The following GCC2 variants were observed in gnomAD, a reference collection of about 807,000 sequenced individuals.
GCC2 encodes GRIP and coiled-coil domain containing 2.
A neutral mutation model predicts 210.6 loss-of-function variants in GCC2; 120 were observed. That is an observed-to-expected ratio of 0.57 (90% CI 0.49 to 0.66). GCC2 has a LOEUF of 0.66. GCC2 is among the 30% of genes least tolerant of loss of function. The pLI is 0.00. For missense variants in GCC2, 1,868 were observed against 1,871.9 expected (o/e 1.00, Z 0.04); for synonymous variants, 703 against 652.7 (o/e 1.08, Z -1.17).
intron 10 of GCC2, 142 bp from the exon 11 acceptor site, chr2:108,482,145 T>G (rs1040076724): frequency 3.4e-6 from 2 of 584,074 alleles, no homozygotes; most frequent in Non-Finnish European, 6.0e-6. Context: ...AACTGATTCT[T>G]AATATTATCG....
At position 108,486,613 on chromosome 2, in the gene GCC2, G is replaced by A. The variant is rs766154317; in HGVS notation, c.3895G>A (p.Val1299Met). ...TACGCTAAGTGCATACCAGCAGAGA[G>A]TGACAGCACTACAGGAAGAGTGCCG... ...QRTLSAYQQR[V>M]TALQEECRAA... The change falls in exon 16 of 23, where the codon GTG becomes ATG. Residue 1299 changes from valine to methionine, a missense_variant. Val to Met is a conservative substitution (Grantham distance 21). Coordinates refer to ENST00000309863, the MANE Select transcript of GCC2 (RefSeq NM_181453.4). 7 of 1,613,914 alleles carry A rather than the reference G, an allele frequency of 4.3e-6. No homozygotes were observed. The highest frequency in any genetic ancestry group is 5.9e-6 in the Non-Finnish European group (7 of 1,179,942).
chr2:108,478,685 C>T (rs1337022885), intron 9 of GCC2, among the ~76,000 whole-genome samples: 3 of 152,144 alleles, frequency 2.0e-5, no homozygotes, highest in African/African-American at 4.8e-5. Context: ...CCAAAGGGAG[C>T]CATTGTTTAT....
At chr2:108,461,818 C>CTT (rs1390391578) in intron 4 of GCC2, among the ~76,000 whole-genome samples, 1 of 120,806 alleles carries the variant, frequency 8.3e-6, no homozygotes. Context: ...AATAGGTTTT[C>CTT]TTTTTTTTTT....
chr2:108,462,686 G>GT (rs1680667038), intron 4 of GCC2: 1 of 147,468 alleles, frequency 6.8e-6, no homozygotes. Context: ...CCTCAAGCTC[G>GT]TGAGTAGCTG....
chr2:108,501,862 G>T (rs1253359276), intron 22 of GCC2, among the ~76,000 whole-genome samples: 1 of 151,922 alleles, frequency 6.6e-6, no homozygotes, highest in Non-Finnish European at 1.5e-5. Flanking sequence ...CTTTGAATCT[G>T]GTTTTTTATA....
Position 108,481,685 on chromosome 2 carries a change from C to G in GCC2, c.3061-12C>G. ...AATTATATACCAAAGTTAAATCCTTCTTTTATTGAAGAATCTTTTATTAGA... is the reference window on the plus strand; with the variant it reads ...AATTATATACCAAAGTTAAATCCTTGTTTTATTGAAGAATCTTTTATTAGA... On this transcript the variant is annotated splice_polypyrimidine_tract_variant and intron_variant, in intron 9 of 22. Coordinates refer to ENST00000309863, the MANE Select transcript of GCC2 (RefSeq NM_181453.4). 1 of 1,573,948 alleles carries G rather than the reference C, an allele frequency of 6.4e-7. No individual in the cohort carries two copies. Among genetic ancestry groups the G allele is most frequent in the Non-Finnish European group, 8.6e-7 (1 of 1,163,624 alleles).
chr2:108,485,360 A>G (rs1224031517), intron 13 of GCC2, among the ~76,000 whole-genome samples: 1 of 151,982 alleles, frequency 6.6e-6, no homozygotes, highest in African/African-American at 2.4e-5. Flanking sequence ...TTTGTAGTCC[A>G]CATTTATTCA....
chr2:108,471,677 T>C lies in GCC2; in HGVS notation c.2348T>C (p.Leu783Pro). The C allele has an allele frequency of 6.2e-7, 1 of 1,613,700 alleles. No homozygotes were observed. The highest frequency in any genetic ancestry group is 8.5e-7 in the Non-Finnish European group (1 of 1,179,688). ...GAAGAGAAAGATGTTGTTAATGTCC[T>C]ACAGGCAGTCGGTGAATCCTTGGCA... ...DSEEKDVVNV[L>P]QAVGESLAKI... The change falls in exon 6 of 23, where the codon CTA (leucine) becomes CCA (proline). Residue 783 changes from leucine to proline, a missense_variant. Coordinates refer to ENST00000309863, the MANE Select transcript of GCC2 (RefSeq NM_181453.4).
chr2:108,486,461 A>G, intron 15 of GCC2, 50 bp from the exon 16 acceptor site: 1 of 1,590,018 alleles, frequency 6.3e-7, no homozygotes, highest in Non-Finnish European at 8.6e-7. Context: ...AACCTCTTTA[A>G]CTAGTGAAGA....
At chr2:108,461,146 A>C (rs1402798802) in intron 4 of GCC2, among the ~76,000 whole-genome samples, 1 of 152,136 alleles carries the variant, frequency 6.6e-6, no homozygotes, top group Non-Finnish European at 1.5e-5. Flanking sequence ...AGCATTTTGA[A>C]TATATCATTC....
chr2:108,481,935 T>C (rs769047735), intron 10 of GCC2, 119 bp downstream of exon 10: 60 of 674,170 alleles, frequency 8.9e-5, no homozygotes, highest in Non-Finnish European at 1.4e-4. Context: ...CCCCCCACTT[T>C]ACCCTCCTTC....
intron 16 of GCC2, 142 bp from the exon 17 acceptor site, chr2:108,487,557 G>A: frequency 1.3e-6 from 1 of 772,062 alleles, no homozygotes; most frequent in Non-Finnish European, 2.1e-6. Flanking sequence ...TTTTTAGCAA[G>A]GTTAATCAAG....
intron 17 of GCC2, among the ~76,000 whole-genome samples, chr2:108,489,603 T>C (rs1433695419): frequency 2.0e-5 from 3 of 152,150 alleles, no homozygotes. Context: ...TTTTTGAATA[T>C]GAAATTCTAA....
At chr2:108,466,986 TGTG>T (rs1680928809) in intron 4 of GCC2, among the ~76,000 whole-genome samples, 1 of 152,228 alleles carries the variant, frequency 6.6e-6, no homozygotes, top group South Asian at 2.1e-4. Flanking sequence ...ATTGGTTGTC[TGTG>T]CCTTTGCTGA....
chr2:108,469,187 T>C, intron 5 of GCC2, 103 bp downstream of exon 5: 1 of 571,206 alleles, frequency 1.8e-6, no homozygotes, highest in Non-Finnish European at 3.0e-6. Flanking sequence ...ATTAATATTT[T>C]ATAATATAAA....
chr2:108,481,773 G>A lies in GCC2; in HGVS notation c.3137G>A (p.Arg1046His), dbSNP rs139373750. The A allele has an allele frequency of 6.3e-4, 1,011 of 1,602,954 alleles. 4 individuals are homozygous for A. The highest frequency in any genetic ancestry group is 1.6e-4 in the Non-Finnish European group (190 of 1,173,742). Reference protein sequence around the residue: ...EKERANNFEHRIEDLTRQLRN... With the variant: ...EKERANNFEHHIEDLTRQLRN... ...GAACGTGCTAATAATTTTGAGCATC[G>A]TATTGAAGACCTTACAAGACAATTA... Residue 1046 changes from arginine to histidine, a missense_variant, in exon 10 of 23, where the codon CGT becomes CAT. Transcript: ENST00000309863.
chr2:108,461,819 T>TTTTTTTTTTTCTTTTTC (rs1558732555), intron 4 of GCC2, among the ~76,000 whole-genome samples: 23 of 138,556 alleles, frequency 1.7e-4, no homozygotes, highest in Non-Finnish European at 1.2e-4. Flanking sequence ...ATAGGTTTTC[T>TTTTTTTTTTTCTTTTTC]TTTTTTTTTT....
chr2:108,478,211 A>G (rs1402512411), intron 9 of GCC2, among the ~76,000 whole-genome samples: 4 of 122,132 alleles, frequency 3.3e-5, no homozygotes, highest in Admixed American at 7.6e-5. Flanking sequence ...GATTTGTAAG[A>G]TCTTTGTATA....
At chr2:108,460,458 G>A (rs1573351897) in intron 4 of GCC2, among the ~76,000 whole-genome samples, 4 of 152,020 alleles carry the variant, frequency 2.6e-5, no homozygotes, top group Admixed American at 2.6e-4. Flanking sequence ...TGTTATAGTG[G>A]TTTGCTGTCT....
Sources: allele counts gnomAD v4.1 joint callset (sites outside exome capture counted in the v4.1 genomes callset), GRCh38; gene constraint gnomAD v4.1.1; transcripts MANE v1.5; gene names NCBI Gene and HGNC (gene_info 2026-07-23, HGNC 2026-07-21).